CLSTN2: variants seen among roughly 807,000 people sequenced by gnomAD.
CLSTN2 encodes the protein calsyntenin 2.
In CLSTN2, 48 loss-of-function variants were observed where a neutral mutation model predicts 101.2. The observed-to-expected ratio is 0.47, with a 90% CI of 0.38 to 0.60. CLSTN2 has a LOEUF of 0.60. Among genes scored for constraint, CLSTN2 ranks in the 20% least tolerant of loss-of-function variants. The pLI is 0.00. For synonymous variants in CLSTN2, 481 were observed against 463.6 expected, an observed-to-expected ratio of 1.04 and a Z score of -0.48; for missense variants, 1,160 against 1,238.2, an observed-to-expected ratio of 0.94 and a Z score of 0.95.
At chr3:140,028,364 A>T (rs2007465403) in intron 1 of CLSTN2, among the ~76,000 whole-genome samples, 1 of 152,088 alleles carries the variant, frequency 6.6e-6, no homozygotes, top group Non-Finnish European at 1.5e-5. Context: ...TTTGCACATG[A>T]GAGAAGTTGC....
intron 2 of CLSTN2, among the ~76,000 whole-genome samples, chr3:140,269,555 G>GCACATT (rs2086722924): frequency 6.6e-6 from 1 of 152,178 alleles, no homozygotes; most frequent in South Asian, 2.1e-4. Flanking sequence ...GGACAGAGAG[G>GCACATT]GCCAAGCCTG....
Position 140,094,881 on chromosome 3 carries a change from C to T in CLSTN2, c.110-81070C>T, listed in dbSNP as rs566716835. 7.2e-5 allele frequency among the ~76,000 whole-genome samples: 11 copies of T among 152,324 alleles called. No individual in the cohort carries two copies. In the South Asian group the frequency reaches 2.3e-3, roughly 32 times the overall value. On this transcript the variant is annotated intron_variant, in intron 1 of 16. Transcript: ENST00000458420. Reference sequence around the variant, plus strand: ...GTTTCACTCATAGCAAACTGACTTTCCGTAAATTACGTTATAATACGTCAA... The same window carrying T: ...GTTTCACTCATAGCAAACTGACTTTTCGTAAATTACGTTATAATACGTCAA...
intron 1 of CLSTN2, among the ~76,000 whole-genome samples, chr3:139,955,022 T>TTAGCATATATAACATATATATTAAATA: frequency 6.7e-6 from 1 of 149,850 alleles, no homozygotes; most frequent in Non-Finnish European, 1.5e-5. Flanking sequence ...GAGGAGAGTG[T>TTAGCATATATAACATATATATTAAATA]TAGCATATAT....
chr3:140,409,473 A>C (rs1478729308), intron 4 of CLSTN2, among the ~76,000 whole-genome samples: 1 of 152,122 alleles, frequency 6.6e-6, no homozygotes, highest in African/African-American at 2.4e-5. Context: ...GGAGCCACCC[A>C]TACACTAGGC....
chr3:140,289,836 A>G (rs890060406), intron 2 of CLSTN2, among the ~76,000 whole-genome samples: 1 of 152,078 alleles, frequency 6.6e-6, no homozygotes, highest in Non-Finnish European at 1.5e-5. Flanking sequence ...TAAATATCAG[A>G]CAAGGTTTAA....
chr3:140,073,652 C>T (rs1263967861), intron 1 of CLSTN2, among the ~76,000 whole-genome samples: 1 of 152,208 alleles, frequency 6.6e-6, no homozygotes. Flanking sequence ...GGCAGGTACA[C>T]CAGAGCTCTC....
chr3:140,436,969 T>A (rs930798882), intron 5 of CLSTN2, among the ~76,000 whole-genome samples: 2 of 151,922 alleles, frequency 1.3e-5, no homozygotes, highest in Non-Finnish European at 2.9e-5. Flanking sequence ...AGACTCTGCA[T>A]CTCTGGTTGT....
chr3:140,071,046 A>G (rs1053772044), intron 1 of CLSTN2, among the ~76,000 whole-genome samples: 2 of 152,190 alleles, frequency 1.3e-5, no homozygotes, highest in African/African-American at 4.8e-5. Context: ...TCGAATTTCA[A>G]ATGTTTTATA....
At chr3:140,342,896 G>A (rs540359798) in intron 2 of CLSTN2, among the ~76,000 whole-genome samples, 26 of 152,182 alleles carry the variant, frequency 1.7e-4, no homozygotes, top group Non-Finnish European at 2.6e-4. Flanking sequence ...CTTACATGGT[G>A]TCTCAGGGCC....
intron 1 of CLSTN2, among the ~76,000 whole-genome samples, chr3:139,987,048 G>A (rs1467028366): frequency 6.6e-6 from 1 of 151,930 alleles, no homozygotes; most frequent in African/African-American, 2.4e-5. Flanking sequence ...AAATTCCCCT[G>A]GGCCTATCAA....
At chr3:139,956,594 ACT>A (rs1288038029) in intron 1 of CLSTN2, among the ~76,000 whole-genome samples, 2 of 152,084 alleles carry the variant, frequency 1.3e-5, no homozygotes, top group African/African-American at 4.8e-5. Flanking sequence ...TTTGGAACAG[ACT>A]CTCTTTTTTC....
At chr3:140,289,549 A>G (rs1414224117) in intron 2 of CLSTN2, among the ~76,000 whole-genome samples, 1 of 152,196 alleles carries the variant, frequency 6.6e-6, no homozygotes. Context: ...GCACAGCATT[A>G]ACTGGGTCTC....
chr3:140,315,737 A>C (rs1353212593), intron 2 of CLSTN2, among the ~76,000 whole-genome samples: 1 of 152,188 alleles, frequency 6.6e-6, no homozygotes, highest in Non-Finnish European at 1.5e-5. Context: ...GGAGGACCCA[A>C]ATGCCTTTTC....
chr3:140,276,124 A>G (rs1576495487), intron 2 of CLSTN2, among the ~76,000 whole-genome samples: 1 of 152,262 alleles, frequency 6.6e-6, no homozygotes, highest in East Asian at 1.9e-4. Flanking sequence ...CCAGAGAGCA[A>G]AGAATGCACC....
chr3:140,413,252 A>G (rs950564366), intron 4 of CLSTN2, among the ~76,000 whole-genome samples: 11 of 152,206 alleles, frequency 7.2e-5, no homozygotes, highest in Non-Finnish European at 1.5e-5. Flanking sequence ...GGATGGTAAG[A>G]GACTGCTAAG....
intron 1 of CLSTN2, among the ~76,000 whole-genome samples, chr3:139,959,065 CTG>C (rs999710580): frequency 6.6e-6 from 1 of 152,082 alleles, no homozygotes; most frequent in Admixed American, 6.6e-5. Flanking sequence ...AAGTATTCCC[CTG>C]TGTCTTTCTC....
chr3:140,296,684 A>C (rs1354169938), intron 2 of CLSTN2, among the ~76,000 whole-genome samples: 4 of 152,142 alleles, frequency 2.6e-5, no homozygotes, highest in Non-Finnish European at 5.9e-5. Flanking sequence ...TATTTGCCTA[A>C]GTTAGTTTTC....
At chr3:140,493,598 C>A (rs1346618898) in intron 8 of CLSTN2, among the ~76,000 whole-genome samples, 1 of 152,146 alleles carries the variant, frequency 6.6e-6, no homozygotes, top group Non-Finnish European at 1.5e-5. Flanking sequence ...GCAAAGCTGT[C>A]CTATCATGTC....
At chr3:140,057,218 C>T (rs991606586) in intron 1 of CLSTN2, among the ~76,000 whole-genome samples, 3 of 152,244 alleles carry the variant, frequency 2.0e-5, no homozygotes, top group Non-Finnish European at 4.4e-5. Context: ...GATCCAAAGC[C>T]ACTCAGCTGT....
Sources: gnomAD v4.1 joint callset for allele counts (sites outside exome capture counted in the v4.1 genomes callset) on GRCh38, gnomAD v4.1.1 for gene constraint, MANE v1.5 for transcripts, NCBI Gene and HGNC (gene_info 2026-07-23, HGNC 2026-07-21) for gene names.